HAUS1: variants seen among roughly 807,000 people sequenced by gnomAD.
The protein encoded by HAUS1 is HAUS augmin-like complex subunit 1.
In HAUS1, 25 loss-of-function variants were observed where a neutral mutation model predicts 38.6. The observed-to-expected ratio is 0.65, with a 90% CI of 0.47 to 0.91. The LOEUF (loss-of-function observed/expected upper bound fraction) is 0.91. Among genes scored for constraint, HAUS1 ranks in the 40% least tolerant of loss-of-function variants. The pLI is 0.00. For synonymous variants in HAUS1, 109 were observed against 112.9 expected, an observed-to-expected ratio of 0.97 and a Z score of 0.22; for missense variants, 325 against 328.4, an observed-to-expected ratio of 0.99 and a Z score of 0.08.
rs1484574889 is a variant in HAUS1, at chr18:46,111,137, G to C, written c.205+5769G>C. Among the ~76,000 whole-genome samples, 4 of 151,832 alleles carry C rather than the reference G, an allele frequency of 2.6e-5. No individual in the cohort carries two copies. The East Asian group carries it at 7.7e-4, about 29-fold the overall frequency. ...TCCACCTCGGCCTCTCAAAATGCTG[G>C]GATTACAGGCATAAGCCAATGCACC... On this transcript the variant is annotated intron_variant, in intron 2 of 8. Transcript: ENST00000282058.
In HAUS1 at chr18:46,119,913, ATTC is replaced by A. The variant is rs762920571; in HGVS notation, c.342-7_342-5del. On this transcript the variant is annotated splice_polypyrimidine_tract_variant and intron_variant, in intron 3 of 8. Transcript: ENST00000282058. The stretch of plus-strand genomic sequence containing the variant: ...CCATTAAGCCCATGTATATGACCAG[ATTC>A]TTCTTTTAGTTTTATCCCTGCAGTG... 2.5e-6 allele frequency: 4 copies of A among 1,574,220 alleles called. No individual in the cohort carries two copies. The highest frequency in any genetic ancestry group is 2.3e-5 in the East Asian group (1 of 44,288).
chr18:46,110,333 G>GTTTTTTTTTTTTTTTT (rs71160713), intron 2 of HAUS1, among the ~76,000 whole-genome samples: 2 of 50,012 alleles, frequency 4.0e-5, no homozygotes, highest in African/African-American at 1.7e-4. Flanking sequence ...TTTTTTTAAG[G>GTTTTTTTTTTTTTTTT]TTTTTTTTTT....
chr18:46,116,135 G>A (rs1042228250), intron 2 of HAUS1, among the ~76,000 whole-genome samples: 1 of 151,504 alleles, frequency 6.6e-6, no homozygotes, highest in African/African-American at 2.4e-5. Context: ...AGGGGAGGGG[G>A]AAAAAGGAAA....
At position 46,105,592 on chromosome 18, in the gene HAUS1, G is replaced by GTGTA. The variant is rs796714516; in HGVS notation, c.205+225_205+226insGTAT. ...TGTGTGTGTGTGTGTGTGTGTGTGT[G>GTGTA]TATATATTTTAGACAATCTTGCTCT... On this transcript the variant is annotated intron_variant, in intron 2 of 8. Coordinates refer to ENST00000282058, the MANE Select transcript of HAUS1 (RefSeq NM_138443.4). Among the ~76,000 whole-genome samples, 540 of 145,004 alleles carry GTGTA rather than the reference G, an allele frequency of 3.7e-3. 4 individuals are homozygous for GTGTA. Among genetic ancestry groups the GTGTA allele is most frequent in the African/African-American group, 0.013 (501 of 39,048 alleles).
At chr18:46,105,772 G>A (rs1911456094) in intron 2 of HAUS1, among the ~76,000 whole-genome samples, 1 of 152,096 alleles carries the variant, frequency 6.6e-6, no homozygotes, top group African/African-American at 2.4e-5. Flanking sequence ...GTAAAGACAG[G>A]GTTTCACAAT....
At chr18:46,124,569 CAGAA>C (rs1912045112) in intron 6 of HAUS1, among the ~76,000 whole-genome samples, 1 of 151,580 alleles carries the variant, frequency 6.6e-6, no homozygotes, top group Non-Finnish European at 1.5e-5. Flanking sequence ...CTGGGCAACA[CAGAA>C]AGACTCCATC....
At chr18:46,107,558 T>C (rs557923797) in intron 2 of HAUS1, among the ~76,000 whole-genome samples, 36 of 152,218 alleles carry the variant, frequency 2.4e-4, no homozygotes, top group Non-Finnish European at 3.4e-4. Context: ...AGTTTTTCCT[T>C]CTTTTATACA....
chr18:46,124,952 AT>A (rs1912059478), intron 7 of HAUS1, 59 bp downstream of exon 7: 3 of 955,498 alleles, frequency 3.1e-6, no homozygotes, highest in Non-Finnish European at 1.7e-6. Context: ...TGAGGGTACT[AT>A]ATGACCATGA....
At position 46,115,523 on chromosome 18, in the gene HAUS1, G is replaced by T. The variant is rs552675688; in HGVS notation, c.206-2658G>T. Among the ~76,000 whole-genome samples, 3 of 151,716 alleles carry T rather than the reference G, an allele frequency of 2.0e-5. No homozygotes were observed. The South Asian group carries it at 6.3e-4, about 32-fold the overall frequency. On this transcript the variant is annotated intron_variant, in intron 2 of 8. Transcript: ENST00000282058. ...CACGCCTGTAGTCCCAGCTACTTGGGAGGCTGAGGTGGGAGGATTGCTTGA... is the reference window on the plus strand; with the variant it reads ...CACGCCTGTAGTCCCAGCTACTTGGTAGGCTGAGGTGGGAGGATTGCTTGA...
rs919889592 is a variant in HAUS1, at chr18:46,118,409, G to A, written c.341+93G>A. The A allele has an allele frequency of 4.0e-6, 5 of 1,247,434 alleles. No individual in the cohort carries two copies. The Admixed American group carries it at 1.1e-4, about 27-fold the overall frequency. The allele number at this position is 1,247,434 out of a possible 1,614,324, so 77.3% of individuals were successfully genotyped here. On this transcript the variant is annotated intron_variant, in intron 3 of 8. Transcript: ENST00000282058. ...TCAGCATAATTCTATATGAAAAATT[G>A]GCAATAAATACAAAGCACTGAATTT...
chr18:46,105,910 T>C (rs1352838799), intron 2 of HAUS1, among the ~76,000 whole-genome samples: 1 of 152,168 alleles, frequency 6.6e-6, no homozygotes, highest in East Asian at 1.9e-4. Context: ...ATAAATGTTA[T>C]TATACTAAAT....
At chr18:46,109,483 T>G (rs1911564179) in intron 2 of HAUS1, among the ~76,000 whole-genome samples, 1 of 152,220 alleles carries the variant, frequency 6.6e-6, no homozygotes. Context: ...AGAGAATACA[T>G]TGCATTATTT....
Position 46,105,299 on chromosome 18 carries a change from G to C in HAUS1, c.136G>C (p.Val46Leu). ...ACATCACCTTTCAGAACGCAACAGGGTCCGGGACAGGGATGTCTACCTGGT... is the reference window on the plus strand; with the variant it reads ...ACATCACCTTTCAGAACGCAACAGGCTCCGGGACAGGGATGTCTACCTGGT... ...ILHHLSERNR[V>L]RDRDVYLVIE... The change falls in exon 2 of 9, where the codon GTC (valine) becomes CTC (leucine). Residue 46 changes from valine to leucine, a missense_variant. Coordinates refer to ENST00000282058, the MANE Select transcript of HAUS1 (RefSeq NM_138443.4). The C allele has an allele frequency of 6.2e-7, 1 of 1,613,588 alleles. No homozygotes were observed. Among genetic ancestry groups the C allele is most frequent in the Non-Finnish European group, 8.5e-7 (1 of 1,179,724 alleles).
intron 2 of HAUS1, among the ~76,000 whole-genome samples, chr18:46,117,648 CTA>C (rs1911830175): frequency 6.6e-6 from 1 of 151,908 alleles, no homozygotes; most frequent in Non-Finnish European, 1.5e-5. Flanking sequence ...GATCTAGTCT[CTA>C]TAAGAAAAAA....
intron 4 of HAUS1, among the ~76,000 whole-genome samples, chr18:46,120,728 G>A (rs1485492262): frequency 1.3e-5 from 2 of 151,758 alleles, no homozygotes; most frequent in African/African-American, 4.8e-5. Flanking sequence ...TGGGACTACA[G>A]GTGTGCACCA....
chr18:46,108,203 A>T (rs1455661718), intron 2 of HAUS1, among the ~76,000 whole-genome samples: 1 of 151,792 alleles, frequency 6.6e-6, no homozygotes, highest in East Asian at 1.9e-4. Flanking sequence ...TCCAGTCTTC[A>T]CCATTAAGTG....
At chr18:46,125,699 G>T (rs1437733005) in intron 7 of HAUS1, 45 bp from the exon 8 acceptor site, 8 of 1,342,894 alleles carry the variant, frequency 6.0e-6, no homozygotes, top group South Asian at 1.2e-5. Context: ...CCTTGGGTCT[G>T]AATTGAGGCA....
intron 2 of HAUS1, among the ~76,000 whole-genome samples, chr18:46,117,475 G>A (rs1362696653): frequency 6.6e-6 from 1 of 152,124 alleles, no homozygotes; most frequent in Non-Finnish European, 1.5e-5. Context: ...TCCCAAATAG[G>A]CAAATGAATA....
chr18:46,125,569 A>G (rs560069839), intron 7 of HAUS1, among the ~76,000 whole-genome samples, 175 bp from the exon 8 acceptor site: 1 of 151,630 alleles, frequency 6.6e-6, no homozygotes, highest in South Asian at 2.1e-4. Context: ...AAAAGAAAGA[A>G]AATAATGTGT....
Sources: gnomAD v4.1 joint callset for allele counts (sites outside exome capture counted in the v4.1 genomes callset) on GRCh38, gnomAD v4.1.1 for gene constraint, MANE v1.5 for transcripts, NCBI Gene and HGNC (gene_info 2026-07-23, HGNC 2026-07-21) for gene names.